ADRA1B: variants seen among roughly 807,000 people sequenced by gnomAD.
The protein encoded by ADRA1B is adrenoceptor alpha 1B.
A neutral mutation model predicts 17.9 loss-of-function variants in ADRA1B; 17 were observed. The observed-to-expected ratio is 0.95, with a 90% confidence interval of 0.65 to 1.42. ADRA1B has a LOEUF of 1.42. Among genes scored for constraint, ADRA1B ranks in the 40% most tolerant of loss-of-function variants. The probability of loss-of-function intolerance (pLI) is 0.00; values close to 1 mark genes in which losing one functional copy is unlikely to be tolerated. For missense variants in ADRA1B, 681 were observed against 722.1 expected (o/e 0.94, Z 0.65); for synonymous variants, 366 against 327.6 (o/e 1.12, Z -1.27).
the ADRA1B span, among the ~76,000 whole-genome samples, chr5:159,980,986 C>A: frequency 0.019 from 2,920 of 152,150 alleles, 63 homozygotes; most frequent in African/African-American, 0.058. Context: ...TGAGCAAGGG[C>A]AGATACTAAC....
At chr5:159,874,553 G>A (rs1216651636) in intron 1 of ADRA1B, among the ~76,000 whole-genome samples, 1 of 152,120 alleles carries the variant, frequency 6.6e-6, no homozygotes, top group Non-Finnish European at 1.5e-5. Context: ...GTCATCAAGG[G>A]GCATCATTGG....
chr5:159,922,887 C>A (rs1754528251), intron 1 of ADRA1B, among the ~76,000 whole-genome samples: 1 of 152,236 alleles, frequency 6.6e-6, no homozygotes, highest in Admixed American at 6.5e-5. Flanking sequence ...AACACACATG[C>A]ACAAACAAAC....
intron 1 of ADRA1B, among the ~76,000 whole-genome samples, chr5:159,926,494 A>G (rs1754655726): frequency 2.0e-5 from 3 of 152,120 alleles, no homozygotes; most frequent in South Asian, 4.1e-4. Context: ...AAAAATAGCA[A>G]TGACCAATAG....
chr5:159,952,308 T>G (rs1755459642), intron 1 of ADRA1B, among the ~76,000 whole-genome samples: 1 of 152,158 alleles, frequency 6.6e-6, no homozygotes, highest in Non-Finnish European at 1.5e-5. Flanking sequence ...AGGTTAAGAA[T>G]AATAATAATA....
intron 1 of ADRA1B, among the ~76,000 whole-genome samples, chr5:159,924,942 A>G (rs62377666): frequency 0.29 from 44,193 of 152,062 alleles, 6,554 homozygotes; most frequent in East Asian, 0.39. Flanking sequence ...GCTGGCTAGG[A>G]GTTCTTTCTC....
At chr5:159,938,259 T>TAATATG (rs769954240) in intron 1 of ADRA1B, among the ~76,000 whole-genome samples, 3 of 152,210 alleles carry the variant, frequency 2.0e-5, no homozygotes, top group Non-Finnish European at 4.4e-5. Context: ...ACCAATTAGC[T>TAATATG]AATATGATGA....
At chr5:159,953,214 G>T (rs1755480697) in intron 1 of ADRA1B, among the ~76,000 whole-genome samples, 2 of 152,096 alleles carry the variant, frequency 1.3e-5, no homozygotes, top group Admixed American at 1.3e-4. Flanking sequence ...TACAAAATTA[G>T]CTGGGAGTGA....
the ADRA1B span, among the ~76,000 whole-genome samples, chr5:159,983,790 C>T: frequency 1.3e-5 from 2 of 152,210 alleles, no homozygotes; most frequent in East Asian, 3.9e-4. Context: ...CTGATCTCTC[C>T]TTTTCTTCCT....
At chr5:159,945,970 A>G (rs1755262466) in intron 1 of ADRA1B, among the ~76,000 whole-genome samples, 2 of 152,078 alleles carry the variant, frequency 1.3e-5, no homozygotes, top group Admixed American at 1.3e-4. Flanking sequence ...GATGGTCTTG[A>G]TCTTCTGACC....
At chr5:159,952,113 T>C (rs1228002027) in intron 1 of ADRA1B, among the ~76,000 whole-genome samples, 1 of 152,224 alleles carries the variant, frequency 6.6e-6, no homozygotes, top group Non-Finnish European at 1.5e-5. Context: ...GTCCCCTGTG[T>C]AATCTGCTAT....
intron 1 of ADRA1B, among the ~76,000 whole-genome samples, chr5:159,902,287 G>A (rs1754109969): frequency 6.6e-6 from 1 of 152,180 alleles, no homozygotes; most frequent in African/African-American, 2.4e-5. Context: ...ATAAGTAGTT[G>A]AATTCATAGA....
intron 1 of ADRA1B, among the ~76,000 whole-genome samples, chr5:159,907,750 A>C (rs1000354263): frequency 6.6e-5 from 10 of 152,228 alleles, no homozygotes; most frequent in Non-Finnish European, 1.3e-4. Flanking sequence ...TCCCCATTTT[A>C]CAGATAAACA....
intron 1 of ADRA1B, among the ~76,000 whole-genome samples, chr5:159,933,517 G>C (rs934916366): frequency 6.6e-6 from 1 of 152,204 alleles, no homozygotes; most frequent in Non-Finnish European, 1.5e-5. Flanking sequence ...AGGCATCTAC[G>C]TTGACTTCCT....
chr5:159,907,934 T>TTC (rs60469922), intron 1 of ADRA1B, among the ~76,000 whole-genome samples: 19 of 149,532 alleles, frequency 1.3e-4, no homozygotes, highest in Admixed American at 4.6e-4. Context: ...TAGCTGTTTG[T>TTC]TCTCTCTCTC....
intron 1 of ADRA1B, among the ~76,000 whole-genome samples, chr5:159,872,212 G>T (rs907616921): frequency 6.6e-6 from 1 of 152,134 alleles, no homozygotes; most frequent in Non-Finnish European, 1.5e-5. Context: ...GTTAGAAATT[G>T]CACATGTGGC....
intron 1 of ADRA1B, among the ~76,000 whole-genome samples, chr5:159,896,888 T>G (rs773699940): frequency 1.3e-5 from 2 of 152,240 alleles, no homozygotes; most frequent in African/African-American, 2.4e-5. Flanking sequence ...CCTAACTCTA[T>G]GCTCAGCACA....
chr5:159,979,718 A>C, the ADRA1B span, among the ~76,000 whole-genome samples: 3 of 152,068 alleles, frequency 2.0e-5, no homozygotes, highest in Non-Finnish European at 4.4e-5. Context: ...AAATACAAAA[A>C]TCAGCTAGGC....
the ADRA1B span, among the ~76,000 whole-genome samples, chr5:159,988,821 A>T: frequency 1.3e-5 from 2 of 152,202 alleles, no homozygotes; most frequent in African/African-American, 2.4e-5. Flanking sequence ...TACAAAAAAA[A>T]TTTTAAAAAT....
chr5:159,923,206 T>A (rs1754538608), intron 1 of ADRA1B, among the ~76,000 whole-genome samples: 1 of 152,290 alleles, frequency 6.6e-6, no homozygotes. Flanking sequence ...CAAGGGCTTT[T>A]AGGCCACATT....
Sources: allele counts gnomAD v4.1 joint callset (sites outside exome capture counted in the v4.1 genomes callset), GRCh38; gene constraint gnomAD v4.1.1; transcripts MANE v1.5; gene names NCBI Gene and HGNC (gene_info 2026-07-23, HGNC 2026-07-21).